Variants in EFNA5 observed in about 807,000 individuals in gnomAD.
The protein encoded by EFNA5 is ephrin A5, also known as ephrin-A5.
EFNA5 carries 5 observed loss-of-function variants against 22.9 expected under a neutral mutation model. The observed-to-expected ratio is 0.22, with a 90% CI of 0.11 to 0.46. The LOEUF is 0.46. EFNA5 is among the 20% of genes least tolerant of loss of function. The probability of loss-of-function intolerance (pLI) is 0.99; values close to 1 mark genes in which losing one functional copy is unlikely to be tolerated. For missense variants in EFNA5, 237 were observed against 293.3 expected (o/e 0.81, Z 1.40); for synonymous variants, 113 against 112.2 (o/e 1.01, Z -0.04).
rs544314770 is a variant in EFNA5 at position 107,445,330 on chromosome 5, T to C, written c.126-17821A>G. On this transcript the variant is annotated intron_variant, in intron 1 of 4. Transcript: ENST00000333274. ...GAGCCACCACACCTGGCCTCAAAGA[T>C]TGCCATTTGAGATATAACTTTAAAC... 1.8e-4 allele frequency among the ~76,000 whole-genome samples: 27 copies of C among 152,232 alleles called. 1 individual carries two copies. The South Asian group carries it at 2.7e-3, about 15-fold the overall frequency.
chr5:107,406,403 C>T (rs1219712747), intron 2 of EFNA5, among the ~76,000 whole-genome samples: 3 of 152,118 alleles, frequency 2.0e-5, no homozygotes, highest in African/African-American at 4.8e-5. Flanking sequence ...TCCAGGCCCA[C>T]GATCTCTGCA....
intron 1 of EFNA5, among the ~76,000 whole-genome samples, chr5:107,520,295 T>C (rs1747567294): frequency 1.3e-5 from 2 of 152,150 alleles, no homozygotes; most frequent in African/African-American, 2.4e-5. Flanking sequence ...AGTGAATCAA[T>C]AAGAGTGAGA....
intron 1 of EFNA5, among the ~76,000 whole-genome samples, chr5:107,598,078 G>GA (rs1231375067): frequency 6.6e-6 from 1 of 152,074 alleles, no homozygotes; most frequent in Non-Finnish European, 1.5e-5. Flanking sequence ...AAAGATAATA[G>GA]AAAATCATAA....
At chr5:107,530,199 C>T (rs1247924729) in intron 1 of EFNA5, among the ~76,000 whole-genome samples, 1 of 152,214 alleles carries the variant, frequency 6.6e-6, no homozygotes, top group East Asian at 1.9e-4. Flanking sequence ...AGGGGCTCTG[C>T]TCATTGTAGT....
In EFNA5 at chr5:107,381,068, G is replaced by A; in HGVS notation, c.*187C>T. The A allele has an allele frequency of 1.3e-6, 1 of 782,304 alleles. No individual in the cohort carries two copies. The highest frequency in any genetic ancestry group is 1.9e-6 in the Non-Finnish European group (1 of 525,000). 48.5% of individuals were successfully genotyped at this position (782,304 alleles called of 1,614,324 possible). ...GGGTGGGGCGGGGTGGGGTGAGGGA[G>A]GCAGGAACAAGTTTAGGCCCCCAAC... On this transcript the variant is annotated 3_prime_UTR_variant, in exon 5 of 5. Transcript: ENST00000333274.
At chr5:107,461,602 C>T (rs1015240765) in intron 1 of EFNA5, among the ~76,000 whole-genome samples, 1 of 152,038 alleles carries the variant, frequency 6.6e-6, no homozygotes, top group African/African-American at 2.4e-5. Context: ...ACTAAATGAA[C>T]CTAGATCAGC....
At chr5:107,462,420 T>C (rs185246752) in intron 1 of EFNA5, among the ~76,000 whole-genome samples, 8 of 152,310 alleles carry the variant, frequency 5.3e-5, no homozygotes, top group African/African-American at 9.6e-5. Context: ...GCTGAACTGA[T>C]AGCCTCATGT....
intron 2 of EFNA5, among the ~76,000 whole-genome samples, chr5:107,397,547 C>A (rs1258063231): frequency 8.9e-5 from 13 of 145,916 alleles, no homozygotes; most frequent in Admixed American, 1.4e-4. Flanking sequence ...GACTCCATCT[C>A]AAAAAAAAAA....
chr5:107,621,745 AAAT>A (rs1308326901), intron 1 of EFNA5, among the ~76,000 whole-genome samples: 3 of 152,058 alleles, frequency 2.0e-5, no homozygotes, highest in Non-Finnish European at 4.4e-5. Context: ...CATCACTATT[AAAT>A]AATAATGGAT....
At chr5:107,408,459 G>A (rs1258708576) in intron 2 of EFNA5, among the ~76,000 whole-genome samples, 2 of 152,100 alleles carry the variant, frequency 1.3e-5, no homozygotes, top group South Asian at 2.1e-4. Context: ...CTCCATTTTT[G>A]TAAATGGAAT....
intron 1 of EFNA5, among the ~76,000 whole-genome samples, chr5:107,557,250 T>C (rs995635707): frequency 2.6e-5 from 4 of 151,474 alleles, no homozygotes; most frequent in Non-Finnish European, 4.4e-5. Context: ...TAGCAAACAT[T>C]TGTTAAATGA....
intron 1 of EFNA5, among the ~76,000 whole-genome samples, chr5:107,641,357 CAAA>C (rs33968147): frequency 2.6e-4 from 38 of 146,924 alleles, no homozygotes; most frequent in African/African-American, 3.0e-4. Flanking sequence ...GACTCTGTCT[CAAA>C]AAAAAAAAAA....
intron 1 of EFNA5, among the ~76,000 whole-genome samples, chr5:107,584,867 C>T (rs1749144023): frequency 6.6e-6 from 1 of 152,204 alleles, no homozygotes; most frequent in Non-Finnish European, 1.5e-5. Context: ...TGACCCATTG[C>T]AGGCACTCAG....
intron 1 of EFNA5, among the ~76,000 whole-genome samples, chr5:107,604,930 C>A (rs887800883): frequency 6.6e-6 from 1 of 152,170 alleles, no homozygotes. Context: ...TGTTTTAAGT[C>A]TCTCCCAATC....
chr5:107,618,613 C>T (rs1749972156), intron 1 of EFNA5, among the ~76,000 whole-genome samples: 1 of 152,156 alleles, frequency 6.6e-6, no homozygotes, highest in African/African-American at 2.4e-5. Context: ...TTTTAGCACA[C>T]CAAAGTTTCA....
At chr5:107,401,294 A>T (rs1748076085) in intron 2 of EFNA5, among the ~76,000 whole-genome samples, 1 of 152,188 alleles carries the variant, frequency 6.6e-6, no homozygotes. Context: ...GGAAAAAATC[A>T]ATCTATTTTG....
chr5:107,588,350 A>G (rs1580545222), intron 1 of EFNA5, among the ~76,000 whole-genome samples: 1 of 152,160 alleles, frequency 6.6e-6, no homozygotes, highest in South Asian at 2.1e-4. Context: ...CCGTCCTGGA[A>G]GAGGATCTTC....
At chr5:107,630,565 T>C (rs1185013127) in intron 1 of EFNA5, among the ~76,000 whole-genome samples, 1 of 152,246 alleles carries the variant, frequency 6.6e-6, no homozygotes, top group East Asian at 1.9e-4. Context: ...GAACTGGAAG[T>C]TGCTCTCGGT....
intron 1 of EFNA5, among the ~76,000 whole-genome samples, chr5:107,458,474 C>T (rs1230582068): frequency 6.6e-6 from 1 of 151,802 alleles, no homozygotes; most frequent in Non-Finnish European, 1.5e-5. Flanking sequence ...GAGTTATCTA[C>T]AATTGGCAGA....
Sources: gnomAD v4.1 joint callset for allele counts (sites outside exome capture counted in the v4.1 genomes callset) on GRCh38, gnomAD v4.1.1 for gene constraint, MANE v1.5 for transcripts, NCBI Gene and HGNC (gene_info 2026-07-23, HGNC 2026-07-21) for gene names.